ULK4: variants seen among roughly 807,000 people sequenced by gnomAD.
ULK4 encodes the protein unc-51 like kinase 4.
Under a neutral mutation model 160.6 loss-of-function variants are expected in ULK4, and 133 were observed. The observed-to-expected ratio is 0.83, with a 90% confidence interval of 0.72 to 0.96. The LOEUF (loss-of-function observed/expected upper bound fraction) is 0.96. Among genes scored for constraint, ULK4 ranks in the 40% least tolerant of loss-of-function variants. The pLI is 0.00. For synonymous variants in ULK4, 534 were observed against 539.8 expected (o/e 0.99, Z 0.15); for missense variants, 1,580 against 1,499.5 (o/e 1.05, Z -0.89).
intron 19 of ULK4, among the ~76,000 whole-genome samples, chr3:41,812,446 A>G (rs949262280): frequency 2.6e-5 from 4 of 152,200 alleles, no homozygotes; most frequent in Non-Finnish European, 5.9e-5. Flanking sequence ...AAGATCAGGT[A>G]TAACTGTTCA....
intron 23 of ULK4, among the ~76,000 whole-genome samples, chr3:41,716,883 A>T (rs958085501): frequency 1.3e-5 from 2 of 152,228 alleles, no homozygotes; most frequent in Non-Finnish European, 2.9e-5. Flanking sequence ...AACCAAAGAA[A>T]GTTTCAAACT....
At chr3:41,571,210 G>A (rs1186249684) in intron 31 of ULK4, among the ~76,000 whole-genome samples, 2 of 152,092 alleles carry the variant, frequency 1.3e-5, no homozygotes, top group African/African-American at 4.8e-5. Flanking sequence ...ATGCCTTCTT[G>A]CATAGTGCAG....
intron 1 of ULK4, among the ~76,000 whole-genome samples, chr3:41,960,943 C>T (rs537102927): frequency 6.6e-6 from 1 of 152,120 alleles, no homozygotes; most frequent in Non-Finnish European, 1.5e-5. Flanking sequence ...TCTCAATCAC[C>T]ACCCCTCCTG....
chr3:41,816,604 T>C (rs925258233), intron 19 of ULK4, among the ~76,000 whole-genome samples: 3 of 152,088 alleles, frequency 2.0e-5, no homozygotes, highest in Non-Finnish European at 4.4e-5. Context: ...TCCTAGAGCC[T>C]ATGAGTTCAA....
intron 5 of ULK4, among the ~76,000 whole-genome samples, chr3:41,925,408 C>T (rs1428884725): frequency 6.6e-6 from 1 of 152,238 alleles, no homozygotes; most frequent in African/African-American, 2.4e-5. Context: ...TTGCAACCCA[C>T]AGACCAGGAG....
chr3:41,807,406 T>G (rs764593355), intron 19 of ULK4, among the ~76,000 whole-genome samples: 3 of 152,204 alleles, frequency 2.0e-5, no homozygotes, highest in Non-Finnish European at 4.4e-5. Flanking sequence ...TACTGTTTTT[T>G]CAATCCAAAT....
At chr3:41,905,900 C>A (rs984517330) in intron 12 of ULK4, among the ~76,000 whole-genome samples, 1 of 151,902 alleles carries the variant, frequency 6.6e-6, no homozygotes, top group Non-Finnish European at 1.5e-5. Context: ...CATGGTGAAA[C>A]CTGTCTCTAC....
chr3:41,816,613 A>C (rs1490868169), intron 19 of ULK4, among the ~76,000 whole-genome samples: 2 of 152,084 alleles, frequency 1.3e-5, no homozygotes, highest in Non-Finnish European at 2.9e-5. Context: ...CTATGAGTTC[A>C]AGACTAGCCT....
intron 18 of ULK4, among the ~76,000 whole-genome samples, chr3:41,823,777 C>T (rs1005703155): frequency 2.0e-5 from 3 of 152,230 alleles, no homozygotes; most frequent in Non-Finnish European, 4.4e-5. Context: ...GACTTAACTT[C>T]CTTTTCCAGT....
intron 35 of ULK4, among the ~76,000 whole-genome samples, chr3:41,330,184 C>G (rs2080415479): frequency 6.6e-6 from 1 of 152,168 alleles, no homozygotes; most frequent in Non-Finnish European, 1.5e-5. Context: ...CTCCAAACCC[C>G]TCACTCCTAT....
intron 34 of ULK4, among the ~76,000 whole-genome samples, chr3:41,398,861 A>G (rs1244527087): frequency 6.6e-6 from 1 of 152,102 alleles, no homozygotes; most frequent in Non-Finnish European, 1.5e-5. Flanking sequence ...GTGAGGTTTC[A>G]ATACACATAT....
At chr3:41,492,821 C>G (rs7653637) in intron 32 of ULK4, among the ~76,000 whole-genome samples, 113,212 of 134,616 alleles carry the variant, frequency 0.84, 48,286 homozygotes, top group Middle Eastern at 0.93. Context: ...AAGATCAAAA[C>G]AGACAAAGAA....
intron 30 of ULK4, among the ~76,000 whole-genome samples, chr3:41,653,840 A>C (rs909015989): frequency 3.3e-5 from 5 of 152,216 alleles, no homozygotes; most frequent in African/African-American, 9.7e-5. Context: ...ATGACAAGGG[A>C]AAGTTTACAG....
At chr3:41,422,535 A>G (rs892420646) in intron 34 of ULK4, among the ~76,000 whole-genome samples, 1 of 152,100 alleles carries the variant, frequency 6.6e-6, no homozygotes. Context: ...CTACTTCTCT[A>G]TATTTCCACA....
At chr3:41,353,671 T>A (rs1394365143) in intron 35 of ULK4, among the ~76,000 whole-genome samples, 1 of 139,182 alleles carries the variant, frequency 7.2e-6, no homozygotes, top group Admixed American at 7.4e-5. Flanking sequence ...CTTTCTCTAA[T>A]AAATAATAAT....
At chr3:41,673,437 G>A (rs1353654595) in intron 29 of ULK4, among the ~76,000 whole-genome samples, 1 of 152,000 alleles carries the variant, frequency 6.6e-6, no homozygotes, top group Non-Finnish European at 1.5e-5. Context: ...TTCCTAAAAG[G>A]AAATGCCATT....
chr3:41,752,210 T>C (rs1186059929), intron 22 of ULK4, among the ~76,000 whole-genome samples: 1 of 152,254 alleles, frequency 6.6e-6, no homozygotes, highest in Non-Finnish European at 1.5e-5. Flanking sequence ...GTCCCTTTTT[T>C]GTTTTTCTCT....
At chr3:41,347,411 A>C (rs1205210020) in intron 35 of ULK4, among the ~76,000 whole-genome samples, 1 of 152,214 alleles carries the variant, frequency 6.6e-6, no homozygotes, top group African/African-American at 2.4e-5. Flanking sequence ...AACAAGACAG[A>C]TGTTTTGTGC....
chr3:41,249,732 C>T (rs1360371237), intron 35 of ULK4, among the ~76,000 whole-genome samples, 158 bp from the exon 36 acceptor site: 1 of 152,166 alleles, frequency 6.6e-6, no homozygotes. Context: ...CATGCGTAAC[C>T]TCCCCCACAG....
Sources: gnomAD v4.1 joint callset for allele counts (sites outside exome capture counted in the v4.1 genomes callset) on GRCh38, gnomAD v4.1.1 for gene constraint, MANE v1.5 for transcripts, NCBI Gene and HGNC (gene_info 2026-07-23, HGNC 2026-07-21) for gene names.